PRKD1: variants seen among roughly 807,000 people sequenced by gnomAD.
PRKD1 encodes serine/threonine-protein kinase D1.
Under a neutral mutation model 95.9 loss-of-function variants are expected in PRKD1, and 63 were observed. That is an observed-to-expected ratio of 0.66 (90% confidence interval 0.54 to 0.81). PRKD1 has a LOEUF of 0.81. Ranked by LOEUF, PRKD1 falls within the 30% of genes least tolerant of loss-of-function variation. The pLI is 0.00. For missense variants in PRKD1, 1,048 were observed against 1,165.3 expected (o/e 0.90, Z 1.47); for synonymous variants, 425 against 423.1 (o/e 1.00, Z -0.05).
chr14:29,576,956 C>A lies in PRKD1; in HGVS notation c.*282G>T. 2.3e-6 allele frequency: 1 copy of A among 429,056 alleles called. No individual in the cohort carries two copies. The highest frequency in any genetic ancestry group is 4.3e-6 in the Non-Finnish European group (1 of 232,132). The allele number at this position is 429,056 out of a possible 1,614,324, so 26.6% of individuals were successfully genotyped here. ...AGAAAAACACTGATTTGCAAAGGCA[C>A]AGTGGAGACAGGTTTAATGCATTAA... On this transcript the variant is annotated 3_prime_UTR_variant, in exon 18 of 18. Transcript: ENST00000331968.
chr14:29,811,868 A>G (rs542390631), intron 1 of PRKD1: 1 of 152,236 alleles, frequency 6.6e-6, no homozygotes, highest in Non-Finnish European at 1.5e-5. Context: ...AATTGCTCTC[A>G]TCACTGAGTA....
intron 1 of PRKD1, among the ~76,000 whole-genome samples, chr14:29,906,285 C>A (rs1239167082): frequency 6.6e-6 from 1 of 152,100 alleles, no homozygotes; most frequent in African/African-American, 2.4e-5. Flanking sequence ...ATGCCTGCAA[C>A]CCCAGCACTT....
chr14:29,741,888 T>C (rs903659869), intron 1 of PRKD1, among the ~76,000 whole-genome samples: 11 of 152,106 alleles, frequency 7.2e-5, no homozygotes, highest in African/African-American at 2.4e-4. Context: ...TTGATTAATA[T>C]TATGACATTT....
chr14:29,927,215 G>A, intron 1 of PRKD1, 34 bp downstream of exon 1: 1 of 1,464,306 alleles, frequency 6.8e-7, no homozygotes, highest in Non-Finnish European at 9.0e-7. Context: ...GCGCCGCGGG[G>A]AGGCGCCGGG....
chr14:29,707,733 T>C (rs1885158068), intron 2 of PRKD1, among the ~76,000 whole-genome samples: 1 of 152,184 alleles, frequency 6.6e-6, no homozygotes, highest in Non-Finnish European at 1.5e-5. Flanking sequence ...ACTCCCTGTT[T>C]GTATATGAAA....
intron 1 of PRKD1, among the ~76,000 whole-genome samples, chr14:29,750,929 T>A (rs1202752708): frequency 6.6e-6 from 1 of 152,218 alleles, no homozygotes; most frequent in Non-Finnish European, 1.5e-5. Flanking sequence ...TGTTTCCCCA[T>A]GACGGTGGAC....
intron 12 of PRKD1, among the ~76,000 whole-genome samples, chr14:29,625,614 C>T (rs756127590): frequency 9.9e-5 from 15 of 152,030 alleles, no homozygotes; most frequent in African/African-American, 2.7e-4. Context: ...TATACCGTTA[C>T]GCATTAACAA....
At chr14:29,776,336 C>G (rs1888752470) in intron 1 of PRKD1, among the ~76,000 whole-genome samples, 1 of 152,150 alleles carries the variant, frequency 6.6e-6, no homozygotes, top group Non-Finnish European at 1.5e-5. Context: ...TTCAGACGAT[C>G]AAACTTCTCC....
chr14:29,841,034 C>T (rs1891820604), intron 1 of PRKD1, among the ~76,000 whole-genome samples: 1 of 152,230 alleles, frequency 6.6e-6, no homozygotes, highest in Non-Finnish European at 1.5e-5. Context: ...TAAGATTTGA[C>T]TGCCCTGCTG....
At chr14:29,777,134 C>G (rs1347889853) in intron 1 of PRKD1, among the ~76,000 whole-genome samples, 2 of 152,082 alleles carry the variant, frequency 1.3e-5, no homozygotes, top group Non-Finnish European at 2.9e-5. Flanking sequence ...TACAAGAGCT[C>G]CTGAAGGAAG....
At chr14:29,579,258 T>C (rs1010786432) in intron 16 of PRKD1, among the ~76,000 whole-genome samples, 3 of 152,116 alleles carry the variant, frequency 2.0e-5, no homozygotes, top group Admixed American at 2.0e-4. Flanking sequence ...ATTAAAGTCA[T>C]TCCCTCACAC....
chr14:29,630,331 G>T (rs538266874), intron 10 of PRKD1, among the ~76,000 whole-genome samples: 1 of 152,078 alleles, frequency 6.6e-6, no homozygotes, highest in Non-Finnish European at 1.5e-5. Flanking sequence ...GTAGAGACAG[G>T]GTTTCCCCAT....
intron 1 of PRKD1, among the ~76,000 whole-genome samples, chr14:29,764,555 G>C (rs1288527788): frequency 8.5e-5 from 13 of 152,162 alleles, no homozygotes; most frequent in Admixed American, 5.9e-4. Flanking sequence ...TGTCTGGTAA[G>C]GGCTGCTCTC....
chr14:29,635,673 T>C (rs550025908), intron 7 of PRKD1, among the ~76,000 whole-genome samples: 9 of 152,294 alleles, frequency 5.9e-5, no homozygotes, highest in South Asian at 2.1e-4. Context: ...TTTACCAATA[T>C]AGTGCAAAAG....
intron 4 of PRKD1, among the ~76,000 whole-genome samples, chr14:29,645,446 A>G (rs975883460): frequency 3.3e-5 from 5 of 152,204 alleles, no homozygotes; most frequent in African/African-American, 1.2e-4. Flanking sequence ...AGATACTAGC[A>G]TAACTATGCA....
intron 1 of PRKD1, among the ~76,000 whole-genome samples, chr14:29,867,327 A>C (rs150664946): frequency 6.6e-6 from 1 of 152,250 alleles, no homozygotes; most frequent in Non-Finnish European, 1.5e-5. Flanking sequence ...AAGGAGTGAC[A>C]TTTAAATGTC....
chr14:29,649,299 T>C (rs1881338294), intron 4 of PRKD1, among the ~76,000 whole-genome samples: 1 of 152,148 alleles, frequency 6.6e-6, no homozygotes, highest in African/African-American at 2.4e-5. Context: ...ATAAATTGGA[T>C]TGTAAGGAGG....
intron 1 of PRKD1, among the ~76,000 whole-genome samples, chr14:29,801,145 G>T (rs528819846): frequency 6.6e-6 from 1 of 152,004 alleles, no homozygotes; most frequent in Non-Finnish European, 1.5e-5. Flanking sequence ...AAATCTAAGG[G>T]CAGGCAAGCT....
rs10132068 is a variant in PRKD1, at chr14:29,628,416, T to C, written c.1725+625A>G. On this transcript the variant is annotated intron_variant, in intron 11 of 17. Coordinates refer to ENST00000331968, the MANE Select transcript of PRKD1 (RefSeq NM_002742.3). ...TTGGCTACTTGCCATAGGGATAAAA[T>C]ATAACAAATAAAGCAAACATTTGAC... 1.0e-3 allele frequency among the ~76,000 whole-genome samples: 159 copies of C among 152,280 alleles called. 1 individual carries two copies. Among genetic ancestry groups the C allele is most frequent in the African/African-American group, 3.7e-3 (155 of 41,568 alleles).
Sources: allele counts gnomAD v4.1 joint callset (sites outside exome capture counted in the v4.1 genomes callset), GRCh38; gene constraint gnomAD v4.1.1; transcripts MANE v1.5; gene names NCBI Gene and HGNC (gene_info 2026-07-23, HGNC 2026-07-21).